Variants in DEPDC5 observed in about 807,000 individuals in gnomAD.
DEPDC5 encodes DEP domain containing 5, GATOR1 subcomplex subunit.
A neutral mutation model predicts 217.3 loss-of-function variants in DEPDC5; 73 were observed. That is an observed-to-expected ratio of 0.34 (90% CI 0.28 to 0.41). The LOEUF (loss-of-function observed/expected upper bound fraction) is 0.41. Among genes scored for constraint, DEPDC5 ranks in the 10% least tolerant of loss-of-function variants. The pLI, the probability that DEPDC5 is intolerant of heterozygous loss-of-function variation, is 1.00. For missense variants in DEPDC5, 1,675 were observed against 2,070.1 expected (o/e 0.81, Z 3.70); for synonymous variants, 733 against 756.7 (o/e 0.97, Z 0.51).
chr22:31,872,899 C>T (rs753592969), intron 34 of DEPDC5, among the ~76,000 whole-genome samples: 37 of 151,912 alleles, frequency 2.4e-4, no homozygotes, highest in Admixed American at 1.6e-3. Flanking sequence ...AGACAACAGG[C>T]GCACGTCACC....
At chr22:31,766,287 A>C (rs1212253516) in intron 5 of DEPDC5, among the ~76,000 whole-genome samples, 1 of 152,226 alleles carries the variant, frequency 6.6e-6, no homozygotes, top group Admixed American at 6.6e-5. Flanking sequence ...AATAAAGTAC[A>C]TAGGTAAGTG....
intron 7 of DEPDC5, among the ~76,000 whole-genome samples, chr22:31,775,203 G>C (rs1425757214): frequency 2.0e-5 from 3 of 151,116 alleles, no homozygotes; most frequent in Non-Finnish European, 4.4e-5. Flanking sequence ...TTTTGAGACA[G>C]AGTTTTACTC....
At chr22:31,813,772 C>T (rs1391670629) in intron 20 of DEPDC5, 3 of 151,924 alleles carry the variant, frequency 2.0e-5, no homozygotes, top group Non-Finnish European at 4.4e-5. Flanking sequence ...ACAGTTATCA[C>T]CATGTTGTCA....
intron 24 of DEPDC5, 38 bp from the exon 25 acceptor site, chr22:31,833,877 G>A (rs2090786277): frequency 6.8e-7 from 1 of 1,477,900 alleles, no homozygotes; most frequent in Admixed American, 2.2e-5. Flanking sequence ...TTTGCAGAGT[G>A]AGCCTTCTTA....
chr22:31,802,940 A>ACAGAACACTATG, intron 15 of DEPDC5, 102 bp downstream of exon 15: 1 of 1,388,212 alleles, frequency 7.2e-7, no homozygotes, highest in Non-Finnish European at 9.5e-7. Context: ...GGAGCTCTAC[A>ACAGAACACTATG]TAGTGTTCTG....
At chr22:31,824,925 G>A (rs549330592) in intron 24 of DEPDC5, among the ~76,000 whole-genome samples, 3 of 150,298 alleles carry the variant, frequency 2.0e-5, no homozygotes, top group East Asian at 2.0e-4. Flanking sequence ...GCAGTGAGCC[G>A]AGATCGTGCC....
chr22:31,883,267 T>C (rs1202908980), intron 38 of DEPDC5, among the ~76,000 whole-genome samples: 1 of 152,156 alleles, frequency 6.6e-6, no homozygotes, highest in South Asian at 2.1e-4. Flanking sequence ...GAGCAAAACC[T>C]GAGAGGCTTT....
chr22:31,773,582 C>G (rs1475938931), intron 7 of DEPDC5, among the ~76,000 whole-genome samples: 2 of 152,160 alleles, frequency 1.3e-5, no homozygotes, highest in African/African-American at 4.8e-5. Context: ...TATCTTTTCT[C>G]CAGAAGACTT....
chr22:31,879,185 A>T (rs2093105911), intron 37 of DEPDC5, among the ~76,000 whole-genome samples: 1 of 151,148 alleles, frequency 6.6e-6, no homozygotes, highest in Admixed American at 6.6e-5. Context: ...AACCATTTAA[A>T]AATGAACAGC....
chr22:31,807,728 G>A (rs1423344769), intron 18 of DEPDC5, among the ~76,000 whole-genome samples: 1 of 152,242 alleles, frequency 6.6e-6, no homozygotes, highest in Non-Finnish European at 1.5e-5. Flanking sequence ...CACTGCACCC[G>A]GCCAGAACTC....
Position 31,804,930 on chromosome 22 carries a change from G to T in DEPDC5, c.1217+15G>T. ...ATAAACCACAGGTGGGTGCGATCTCGATCAATAGTAGGTGATAAGCGTTTT... is the reference window on the plus strand; with the variant it reads ...ATAAACCACAGGTGGGTGCGATCTCTATCAATAGTAGGTGATAAGCGTTTT... On this transcript the variant is annotated intron_variant, in intron 17 of 42. Transcript: ENST00000651528. 6.2e-7 allele frequency: 1 copy of T among 1,609,426 alleles called. No individual in the cohort carries two copies. The highest frequency in any genetic ancestry group is 1.1e-5 in the South Asian group (1 of 90,558).
intron 24 of DEPDC5, among the ~76,000 whole-genome samples, chr22:31,830,630 C>CATGTGTGTGT (rs1555892555): frequency 2.1e-5 from 3 of 142,464 alleles, no homozygotes; most frequent in Admixed American, 7.1e-5. Context: ...TATGCGTGTA[C>CATGTGTGTGT]GTGTGTGTGT....
At chr22:31,822,815 G>A (rs1237738688) in intron 24 of DEPDC5, 25 bp downstream of exon 24, 1 of 1,608,738 alleles carries the variant, frequency 6.2e-7, no homozygotes, top group East Asian at 2.2e-5. Flanking sequence ...AGGTAATAGA[G>A]TTGGGATGTT....
At chr22:31,779,564 G>A (rs1216214570) in intron 8 of DEPDC5, among the ~76,000 whole-genome samples, 3 of 152,180 alleles carry the variant, frequency 2.0e-5, no homozygotes, top group African/African-American at 7.2e-5. Context: ...CCAGTTTAGA[G>A]TGTTTCTAAG....
intron 38 of DEPDC5, among the ~76,000 whole-genome samples, chr22:31,890,835 C>T (rs2149362218): frequency 1.3e-5 from 2 of 152,146 alleles, no homozygotes; most frequent in South Asian, 4.2e-4. Context: ...AAGCAATTCT[C>T]CTGCCTCAGC....
chr22:31,873,184 G>C (rs533865818), intron 34 of DEPDC5, 71 bp from the exon 35 acceptor site: 599 of 1,611,396 alleles, frequency 3.7e-4, no homozygotes, highest in Non-Finnish European at 4.9e-4. Flanking sequence ...AGTGGAGACT[G>C]TTCCTAATAT....
At chr22:31,878,976 G>A (rs1330178887) in intron 37 of DEPDC5, among the ~76,000 whole-genome samples, 3 of 145,858 alleles carry the variant, frequency 2.1e-5, no homozygotes, top group Non-Finnish European at 4.5e-5. Context: ...GCAGTAAGCT[G>A]AGATCGTGCC....
Position 31,804,253 on chromosome 22 carries a change from G to A in DEPDC5, c.1143+30G>A, listed in dbSNP as rs762654310. ...TTAGATTTCGGATTTGTTTACTAAA[G>A]GCCAGTTGGAGTATAGTTAGAAAGA... On this transcript the variant is annotated intron_variant, in intron 16 of 42. Coordinates refer to ENST00000651528, the MANE Select transcript of DEPDC5 (RefSeq NM_001242896.3). 2.5e-6 allele frequency: 4 copies of A among 1,610,040 alleles called. No homozygotes were observed. In the South Asian group the frequency reaches 3.3e-5, roughly 13 times the overall value.
rs746657412 is a variant in DEPDC5 at position 31,873,330 on chromosome 22, C to G, written c.3561C>G (p.Pro1187=). ...LTEILEAMKH[P]STGVQLLSEQ... ...AGATCCTGGAAGCCATGAAGCACCC[C>G]TCGTAAGTGGCTCACCACAGTGTAG... is the stretch of plus-strand genomic sequence containing the variant. The change falls in exon 35 of 43, where the codon CCC becomes CCG. Residue 1187 remains proline, a splice_region_variant and synonymous_variant. Coordinates refer to ENST00000651528, the MANE Select transcript of DEPDC5 (RefSeq NM_001242896.3). 4 of 1,613,804 alleles carry G rather than the reference C, an allele frequency of 2.5e-6. No individual in the cohort carries two copies. Among genetic ancestry groups the G allele is most frequent in the Admixed American group, 3.3e-5 (2 of 60,002 alleles).
Sources: gnomAD v4.1 joint callset for allele counts (sites outside exome capture counted in the v4.1 genomes callset) on GRCh38, gnomAD v4.1.1 for gene constraint, MANE v1.5 for transcripts, NCBI Gene and HGNC (gene_info 2026-07-23, HGNC 2026-07-21) for gene names.